ASTN2: variants seen among roughly 807,000 people sequenced by gnomAD.
ASTN2 encodes the protein astrotactin 2, also known as astrotactin-2.
Under a neutral mutation model 139.8 loss-of-function variants are expected in ASTN2, and 54 were observed. The observed-to-expected ratio is 0.39, with a 90% confidence interval of 0.31 to 0.48. The LOEUF is 0.48. Among genes scored for constraint, ASTN2 ranks in the 20% least tolerant of loss-of-function variants. The pLI is 0.95. For synonymous variants in ASTN2, 756 were observed against 719.5 expected (o/e 1.05, Z -0.81); for missense variants, 1,565 against 1,725.1 (o/e 0.91, Z 1.64).
intron 1 of ASTN2, among the ~76,000 whole-genome samples, chr9:117,377,229 CCA>C (rs1474800815): frequency 6.6e-6 from 1 of 151,968 alleles, no homozygotes; most frequent in Non-Finnish European, 1.5e-5. Context: ...CCTTGGCGAT[CCA>C]CTGGGACTGT....
intron 10 of ASTN2, among the ~76,000 whole-genome samples, chr9:116,963,529 C>T (rs576990336): frequency 6.6e-6 from 1 of 152,130 alleles, no homozygotes; most frequent in Non-Finnish European, 1.5e-5. Flanking sequence ...ATTGGTACAG[C>T]GGTTGGATTG....
At chr9:117,034,543 T>C (rs182683174) in intron 6 of ASTN2, among the ~76,000 whole-genome samples, 35 of 152,268 alleles carry the variant, frequency 2.3e-4, no homozygotes, top group Admixed American at 2.3e-3. Flanking sequence ...GAAGAAGTGA[T>C]CACATATGTT....
At chr9:117,407,634 A>C (rs1588020181) in intron 1 of ASTN2, among the ~76,000 whole-genome samples, 1 of 152,042 alleles carries the variant, frequency 6.6e-6, no homozygotes, top group Non-Finnish European at 1.5e-5. Context: ...GTCATCACCC[A>C]CTCCTTTTCC....
At chr9:117,320,422 TC>T (rs1308672030) in intron 1 of ASTN2, among the ~76,000 whole-genome samples, 1 of 152,164 alleles carries the variant, frequency 6.6e-6, no homozygotes, top group Non-Finnish European at 1.5e-5. Context: ...ATAAAACAGC[TC>T]ACCACAGGCC....
At chr9:116,478,995 A>G (rs1464397603) in intron 20 of ASTN2, among the ~76,000 whole-genome samples, 22 of 128,170 alleles carry the variant, frequency 1.7e-4, no homozygotes, top group Non-Finnish European at 3.6e-4. Flanking sequence ...GTGCCTCAAA[A>G]AAAAAAAAAA....
intron 1 of ASTN2, among the ~76,000 whole-genome samples, chr9:117,406,298 C>G (rs1830985895): frequency 6.6e-6 from 1 of 152,214 alleles, no homozygotes; most frequent in African/African-American, 2.4e-5. Flanking sequence ...TTCCTGCACC[C>G]ATCGTTGGTC....
intron 3 of ASTN2, among the ~76,000 whole-genome samples, chr9:117,188,119 C>A (rs933153374): frequency 6.6e-6 from 1 of 151,174 alleles, no homozygotes; most frequent in Non-Finnish European, 1.5e-5. Flanking sequence ...TGTCTTCAGA[C>A]ATTGCTAAAG....
At chr9:117,146,475 GAAA>G (rs61356397) in intron 3 of ASTN2, among the ~76,000 whole-genome samples, 6 of 120,660 alleles carry the variant, frequency 5.0e-5, no homozygotes, top group African/African-American at 1.9e-4. Flanking sequence ...GAAGAGGAGA[GAAA>G]AAAAAAAAAA....
chr9:117,295,900 G>A (rs1484915579), intron 1 of ASTN2, among the ~76,000 whole-genome samples: 1 of 152,110 alleles, frequency 6.6e-6, no homozygotes, highest in Non-Finnish European at 1.5e-5. Flanking sequence ...CAGAGAGGAG[G>A]AGGAGAAGGC....
intron 17 of ASTN2, among the ~76,000 whole-genome samples, chr9:116,643,307 C>A (rs1280946978): frequency 6.6e-6 from 1 of 152,162 alleles, no homozygotes; most frequent in Admixed American, 6.5e-5. Flanking sequence ...TTAGTCTAGA[C>A]CGGGGTTTGG....
intron 2 of ASTN2, among the ~76,000 whole-genome samples, chr9:117,216,525 TTGTG>T (rs1032055888): frequency 5.3e-5 from 8 of 152,092 alleles, no homozygotes; most frequent in African/African-American, 1.4e-4. Flanking sequence ...ATGTGTGTAT[TTGTG>T]TGTGTGTGTT....
intron 16 of ASTN2, among the ~76,000 whole-genome samples, chr9:116,656,682 CAAAAAAAAAAA>C (rs33989865): frequency 2.7e-5 from 3 of 109,918 alleles, no homozygotes; most frequent in African/African-American, 1.0e-4. Context: ...TTGTTGCCAC[CAAAAAAAAAAA>C]AAAAAAAAAA....
Position 116,707,164 on chromosome 9 carries a change from T to G in ASTN2, c.2806+18607A>C, listed in dbSNP as rs191889209. ...ATGCAGGCTGGTTGGTAGTCACTCA[T>G]GGACGAAGACCATGTTGAATGCTAT... On this transcript the variant is annotated intron_variant, in intron 16 of 22. Coordinates refer to ENST00000313400, the MANE Select transcript of ASTN2 (RefSeq NM_001365068.1). Among the ~76,000 whole-genome samples the G allele has an allele frequency of 2.0e-5, 3 of 151,860 alleles. No individual in the cohort carries two copies. In the East Asian group the frequency reaches 5.9e-4, roughly 30 times the overall value.
intron 3 of ASTN2, among the ~76,000 whole-genome samples, chr9:117,187,622 C>T (rs1315689220): frequency 6.6e-6 from 1 of 152,164 alleles, no homozygotes; most frequent in East Asian, 1.9e-4. Context: ...ACTAGGTTGG[C>T]TGTCTGTCAC....
At chr9:117,208,564 G>A (rs1832015042) in intron 3 of ASTN2, among the ~76,000 whole-genome samples, 1 of 152,118 alleles carries the variant, frequency 6.6e-6, no homozygotes, top group African/African-American at 2.4e-5. Context: ...AAAAGGTGAT[G>A]AAAATATATT....
intron 19 of ASTN2, among the ~76,000 whole-genome samples, chr9:116,614,285 T>C (rs1855717641): frequency 6.6e-6 from 1 of 152,060 alleles, no homozygotes; most frequent in East Asian, 1.9e-4. Flanking sequence ...ATTGTGAAAA[T>C]TGCCATGCTG....
chr9:116,723,568 G>C (rs1036365147), intron 16 of ASTN2, among the ~76,000 whole-genome samples: 2 of 152,140 alleles, frequency 1.3e-5, no homozygotes, highest in African/African-American at 4.8e-5. Flanking sequence ...GCAGATGGCA[G>C]TGACACATAA....
At chr9:116,748,670 A>C (rs1051367236) in intron 13 of ASTN2, among the ~76,000 whole-genome samples, 2 of 152,146 alleles carry the variant, frequency 1.3e-5, no homozygotes, top group African/African-American at 2.4e-5. Flanking sequence ...CACAAAAAAC[A>C]CTTGCCAGAT....
intron 19 of ASTN2, among the ~76,000 whole-genome samples, chr9:116,532,001 A>G (rs1244861718): frequency 6.6e-6 from 1 of 152,152 alleles, no homozygotes; most frequent in East Asian, 1.9e-4. Context: ...AAGTGTTCCT[A>G]TTTCTCCACA....
Sources: allele counts gnomAD v4.1 joint callset (sites outside exome capture counted in the v4.1 genomes callset), GRCh38; gene constraint gnomAD v4.1.1; transcripts MANE v1.5; gene names NCBI Gene and HGNC (gene_info 2026-07-23, HGNC 2026-07-21).